Variants in GABBR2 observed in about 807,000 individuals in gnomAD.
GABBR2 encodes the protein G-protein coupled receptor 51.
Under a neutral mutation model 105.6 loss-of-function variants are expected in GABBR2, and 23 were observed. The observed-to-expected ratio is 0.22, with a 90% CI of 0.16 to 0.31. The LOEUF (loss-of-function observed/expected upper bound fraction) is 0.31, where lower values mean the gene tolerates loss of function less well. GABBR2 is among the 10% of genes least tolerant of loss of function. The pLI, the probability that GABBR2 is intolerant of heterozygous loss-of-function variation, is 1.00. For missense variants in GABBR2, 734 were observed against 1,245.5 expected (o/e 0.59, Z 6.18); for synonymous variants, 478 against 499.7 (o/e 0.96, Z 0.58).
intron 5 of GABBR2, among the ~76,000 whole-genome samples, chr9:98,479,246 C>A (rs1826860065): frequency 6.6e-6 from 1 of 152,140 alleles, no homozygotes; most frequent in African/African-American, 2.4e-5. Flanking sequence ...CTTTGGACAC[C>A]TGAGACCCTA....
At position 98,464,981 on chromosome 9, in the gene GABBR2, C is replaced by G. The variant is rs1285551353; in HGVS notation, c.999+8165G>C. On this transcript the variant is annotated intron_variant, in intron 6 of 18. Transcript: ENST00000259455. ...AAGTACCCGGGGACACAAACAGGGC[C>G]GAAGGCCGCAGGGACCTCTGCCTAG... Among the ~76,000 whole-genome samples the G allele has an allele frequency of 5.9e-5, 9 of 151,972 alleles. No individual in the cohort carries two copies. The South Asian group carries it at 1.9e-3, about 32-fold the overall frequency.
intron 1 of GABBR2, among the ~76,000 whole-genome samples, chr9:98,704,437 G>A (rs779918869): frequency 1.3e-5 from 2 of 151,994 alleles, no homozygotes; most frequent in Non-Finnish European, 2.9e-5. Flanking sequence ...AAAACATATA[G>A]GTCCAACAAT....
intron 3 of GABBR2, among the ~76,000 whole-genome samples, chr9:98,507,240 C>T (rs1588201556): frequency 6.6e-6 from 1 of 152,252 alleles, no homozygotes; most frequent in Middle Eastern, 3.4e-3. Flanking sequence ...ACTTTGCAGA[C>T]AGGATGAAGT....
At position 98,708,401 on chromosome 9, in the gene GABBR2, G is replaced by A; in HGVS notation, c.321+16C>T. ...GCCCCCCGAAGCCCCGACGGCAGGG[G>A]CAGCCGGACACTCACCTCCGTGTCA... On this transcript the variant is annotated intron_variant, in intron 1 of 18. Coordinates refer to ENST00000259455, the MANE Select transcript of GABBR2 (RefSeq NM_005458.8). 2.2e-6 allele frequency: 3 copies of A among 1,381,460 alleles called. No homozygotes were observed. The highest frequency in any genetic ancestry group is 1.9e-5 in the South Asian group (1 of 53,134). 85.6% of individuals were successfully genotyped at this position (1,381,460 alleles called of 1,614,324 possible).
intron 11 of GABBR2, among the ~76,000 whole-genome samples, chr9:98,382,007 G>T (rs1831985697): frequency 6.6e-6 from 1 of 152,150 alleles, no homozygotes; most frequent in South Asian, 2.1e-4. Context: ...ATAGCCTTTG[G>T]CTTGTGAACA....
intron 13 of GABBR2, among the ~76,000 whole-genome samples, chr9:98,354,427 G>A (rs1831452100): frequency 6.6e-6 from 1 of 152,210 alleles, no homozygotes; most frequent in South Asian, 2.1e-4. Context: ...AGACCTAGAT[G>A]GCATCTTCTT....
intron 1 of GABBR2, among the ~76,000 whole-genome samples, chr9:98,637,026 T>C (rs910405523): frequency 1.3e-5 from 2 of 152,138 alleles, no homozygotes; most frequent in African/African-American, 2.4e-5. Flanking sequence ...TCTTACAAAC[T>C]TCCAAGGACA....
intron 8 of GABBR2, among the ~76,000 whole-genome samples, chr9:98,396,660 C>T (rs1285514405): frequency 6.6e-6 from 1 of 152,220 alleles, no homozygotes; most frequent in Admixed American, 6.5e-5. Context: ...CCTGCAGATG[C>T]CCCAATCAGG....
rs969810346 is a variant in GABBR2, at chr9:98,388,668, C to G, written c.1529+186G>C. ...GTGTGTGTGTGTGTGTGTGCGTGCA[C>G]GCACACACACGTACTCACATGCATG... is the stretch of plus-strand genomic sequence containing the variant. On this transcript the variant is annotated intron_variant, in intron 10 of 18. Transcript: ENST00000259455. This position sits in a 1 kb window ranked among gnomAD's most constrained non-coding sequence, Gnocchi z 4.4. Among the ~76,000 whole-genome samples the G allele has an allele frequency of 1.4e-5, 2 of 147,162 alleles. No homozygotes were observed. The highest frequency in any genetic ancestry group is 3.0e-5 in the Non-Finnish European group (2 of 67,494).
intron 1 of GABBR2, among the ~76,000 whole-genome samples, chr9:98,700,502 C>A (rs148447274): frequency 1.7e-4 from 26 of 152,266 alleles, no homozygotes; most frequent in Non-Finnish European, 3.4e-4. Context: ...TCTTCCTACC[C>A]GACTCTCCTT....
intron 7 of GABBR2, among the ~76,000 whole-genome samples, chr9:98,448,015 A>G (rs116248730): frequency 0.012 from 1,847 of 152,180 alleles, 36 homozygotes; most frequent in African/African-American, 0.042. Context: ...GGTGAGACCA[A>G]TTAGAAGATA....
chr9:98,293,061 T>C (rs539979976), intron 18 of GABBR2, among the ~76,000 whole-genome samples: 1 of 152,208 alleles, frequency 6.6e-6, no homozygotes, highest in Non-Finnish European at 1.5e-5. Context: ...AATTGGTGAT[T>C]TGGCTGCTTT....
At chr9:98,396,461 C>A (rs1235146960) in intron 8 of GABBR2, among the ~76,000 whole-genome samples, 1 of 152,204 alleles carries the variant, frequency 6.6e-6, no homozygotes, top group East Asian at 1.9e-4. Flanking sequence ...GTTCCTCTGA[C>A]CGTGGGTGGT....
intron 13 of GABBR2, among the ~76,000 whole-genome samples, chr9:98,317,419 G>A (rs958164161): frequency 1.3e-5 from 2 of 152,184 alleles, no homozygotes; most frequent in African/African-American, 4.8e-5. Context: ...CGCTCTGTCC[G>A]GCTGCACAAA....
At chr9:98,302,160 C>T (rs1830479568) in intron 16 of GABBR2, among the ~76,000 whole-genome samples, 2 of 152,270 alleles carry the variant, frequency 1.3e-5, no homozygotes, top group Admixed American at 6.5e-5. Context: ...TGCAGCTGTC[C>T]AGCTAGAGAC....
intron 1 of GABBR2, among the ~76,000 whole-genome samples, chr9:98,666,636 T>C (rs4743260): frequency 0.93 from 141,257 of 152,162 alleles, 65,693 homozygotes; most frequent in Middle Eastern, 0.97. Context: ...GCCTCCCAAG[T>C]AGCTGGGATT....
At chr9:98,381,820 G>A (rs1023201611) in intron 11 of GABBR2, among the ~76,000 whole-genome samples, 1 of 152,032 alleles carries the variant, frequency 6.6e-6, no homozygotes, top group African/African-American at 2.4e-5. Flanking sequence ...AGCCTTCCCC[G>A]GCTTCCCAGG....
chr9:98,483,359 C>T (rs1275555413), intron 4 of GABBR2, among the ~76,000 whole-genome samples: 1 of 152,178 alleles, frequency 6.6e-6, no homozygotes, highest in African/African-American at 2.4e-5. Context: ...TGCACCCTTG[C>T]CATGAATCCT....
At chr9:98,476,134 C>A (rs1194049333) in intron 5 of GABBR2, among the ~76,000 whole-genome samples, 1 of 152,126 alleles carries the variant, frequency 6.6e-6, no homozygotes, top group Non-Finnish European at 1.5e-5. Flanking sequence ...GACACAAAGG[C>A]AGATTTTCTT....
Sources: gnomAD v4.1 joint callset for allele counts (sites outside exome capture counted in the v4.1 genomes callset) on GRCh38, gnomAD v4.1.1 for gene constraint, Gnocchi (gnomAD v3.1) non-coding constraint, MANE v1.5 for transcripts, NCBI Gene and HGNC (gene_info 2026-07-23, HGNC 2026-07-21) for gene names.